ZBTB20: variants seen among roughly 807,000 people sequenced by gnomAD.
The protein encoded by ZBTB20 is zinc finger and BTB domain containing 20.
Under a neutral mutation model 56.9 loss-of-function variants are expected in ZBTB20, and 9 were observed. That is an observed-to-expected ratio of 0.16 (90% CI 0.10 to 0.28). The LOEUF is 0.28. Ranked by LOEUF, ZBTB20 falls within the 10% of genes least tolerant of loss-of-function variation. The pLI is 1.00. For missense variants in ZBTB20, 655 were observed against 1,003.0 expected (o/e 0.65, Z 4.69); for synonymous variants, 417 against 420.7 (o/e 0.99, Z 0.11).
chr3:114,714,365 A>G (rs1322126892), intron 5 of ZBTB20, among the ~76,000 whole-genome samples: 2 of 152,202 alleles, frequency 1.3e-5, no homozygotes, highest in Non-Finnish European at 2.9e-5. Context: ...TTGGTTACGT[A>G]GGTAAGCCAA....
At chr3:114,463,245 T>C (rs1202686004) in intron 7 of ZBTB20, among the ~76,000 whole-genome samples, 4 of 152,248 alleles carry the variant, frequency 2.6e-5, no homozygotes, top group Admixed American at 6.5e-5. Flanking sequence ...GTGTTACTGA[T>C]GTTGTTATTA....
intron 4 of ZBTB20, among the ~76,000 whole-genome samples, chr3:114,828,686 A>G (rs1386139840): frequency 6.6e-6 from 1 of 151,868 alleles, no homozygotes; most frequent in African/African-American, 2.4e-5. Flanking sequence ...GCCATTATGC[A>G]GGGTGATGTT....
chr3:115,006,712 T>A (rs1488728990), intron 2 of ZBTB20, among the ~76,000 whole-genome samples: 3 of 151,784 alleles, frequency 2.0e-5, no homozygotes, highest in Admixed American at 1.3e-4. Flanking sequence ...GAGCCTCTTC[T>A]ACAGCATCAA....
chr3:114,917,281 C>T (rs940392279), intron 3 of ZBTB20, among the ~76,000 whole-genome samples: 19 of 152,162 alleles, frequency 1.2e-4, no homozygotes, highest in African/African-American at 4.1e-4. Flanking sequence ...CTTCTCTATG[C>T]TATCTTGAAT....
chr3:115,119,496 A>G (rs1315208315), intron 1 of ZBTB20, among the ~76,000 whole-genome samples: 1 of 152,054 alleles, frequency 6.6e-6, no homozygotes, highest in African/African-American at 2.4e-5. Context: ...TAATATTCAC[A>G]AAACCCTGTA....
At chr3:115,054,525 T>C (rs935079053) in intron 2 of ZBTB20, among the ~76,000 whole-genome samples, 1 of 152,110 alleles carries the variant, frequency 6.6e-6, no homozygotes, top group Admixed American at 6.6e-5. Flanking sequence ...CGTCAAGTAT[T>C]CCATTAGAAC....
intron 3 of ZBTB20, among the ~76,000 whole-genome samples, chr3:114,955,384 T>C (rs2077212106): frequency 6.6e-6 from 1 of 152,204 alleles, no homozygotes; most frequent in Non-Finnish European, 1.5e-5. Context: ...CGAAATTGTC[T>C]TTTTCTCTCC....
chr3:114,780,776 A>G (rs1157189364), intron 5 of ZBTB20, among the ~76,000 whole-genome samples: 2 of 152,258 alleles, frequency 1.3e-5, no homozygotes, highest in East Asian at 1.9e-4. Context: ...GTGAGCCACC[A>G]CGCCTGGCCC....
At chr3:114,477,940 T>C (rs9799147) in intron 7 of ZBTB20, among the ~76,000 whole-genome samples, 26 of 29,656 alleles carry the variant, frequency 8.8e-4, no homozygotes, top group Middle Eastern at 0.026. Flanking sequence ...TCTCTCTCTC[T>C]CTCTCTCTCC....
chr3:114,615,985 C>T (rs2057912160), intron 6 of ZBTB20, among the ~76,000 whole-genome samples: 1 of 152,174 alleles, frequency 6.6e-6, no homozygotes. Context: ...AGAAATTGCT[C>T]TGTATATGGA....
Position 114,952,765 on chromosome 3 carries a change from C to T in ZBTB20, c.-456+21601G>A, listed in dbSNP as rs867820935. Among the ~76,000 whole-genome samples the T allele has an allele frequency of 1.2e-4, 18 of 152,094 alleles. 1 individual carries two copies. The highest frequency in any genetic ancestry group is 3.4e-3 in the Middle Eastern group (1 of 294). On this transcript the variant is annotated intron_variant, in intron 3 of 11. Transcript: ENST00000675478. ...AACCATGAAAACCTGAAGGAAATGG[C>T]ACCCCTTTTTTAAAGGTCTGAGAGA...
At chr3:114,630,942 A>G (rs1343797314) in intron 6 of ZBTB20, among the ~76,000 whole-genome samples, 1 of 152,218 alleles carries the variant, frequency 6.6e-6, no homozygotes, top group Non-Finnish European at 1.5e-5. Flanking sequence ...ACTACTGTTC[A>G]CATTTACTAA....
chr3:114,466,521 T>C (rs2092561041), intron 7 of ZBTB20, among the ~76,000 whole-genome samples: 1 of 152,214 alleles, frequency 6.6e-6, no homozygotes, highest in African/African-American at 2.4e-5. Context: ...AACTCACATG[T>C]TACCCAGCCA....
intron 7 of ZBTB20, among the ~76,000 whole-genome samples, chr3:114,460,252 A>G (rs1392525710): frequency 6.6e-6 from 1 of 152,170 alleles, no homozygotes; most frequent in Admixed American, 6.6e-5. Flanking sequence ...ATGTAGTCTG[A>G]TAAACACACT....
intron 6 of ZBTB20, among the ~76,000 whole-genome samples, chr3:114,676,111 G>A (rs1035807577): frequency 5.9e-5 from 9 of 152,134 alleles, no homozygotes; most frequent in African/African-American, 2.2e-4. Context: ...GTTACAGGAT[G>A]AATATTTTGG....
chr3:114,586,865 T>C (rs2055220968), intron 6 of ZBTB20, among the ~76,000 whole-genome samples: 1 of 150,732 alleles, frequency 6.6e-6, no homozygotes, highest in Non-Finnish European at 1.5e-5. Context: ...TTACAAAAGA[T>C]GAAGAGTGCC....
chr3:114,725,749 G>A (rs2065229751), intron 5 of ZBTB20, among the ~76,000 whole-genome samples: 1 of 152,222 alleles, frequency 6.6e-6, no homozygotes, highest in Non-Finnish European at 1.5e-5. Context: ...ACAAATAACA[G>A]GAGAATTATG....
Position 115,002,541 on chromosome 3 carries a change from AAC to A in ZBTB20, c.-506-28127_-506-28126del, listed in dbSNP as rs565826944. On this transcript the variant is annotated intron_variant, in intron 2 of 11. Transcript: ENST00000675478. ...GATTAAAATGTGAGCAAAAGATCTG[AAC>A]AGACATCTCACCAAAGAAATGCAGA... Among the ~76,000 whole-genome samples, 105 of 151,794 alleles carry A rather than the reference AAC, an allele frequency of 6.9e-4. 1 individual carries two copies. Among genetic ancestry groups the A allele is most frequent in the Admixed American group, 7.2e-4 (11 of 15,194 alleles).
chr3:114,339,392 G>C lies in ZBTB20; in HGVS notation c.1839C>G (p.Arg613=). 6.2e-7 allele frequency: 1 copy of C among 1,613,840 alleles called. No homozygotes were observed. Among genetic ancestry groups the C allele is most frequent in the Non-Finnish European group, 8.5e-7 (1 of 1,179,932 alleles). ...TAAGGTAATCCTTTAAGGAGAAGGA[G>C]CGCCAACAGATGCTGCATTGGTGGG... ...EKPHQCSICW[R]SFSLKDYLIK... is the part of the protein sequence containing the mutation. Residue 613 remains arginine (R), a synonymous_variant, in exon 12 of 12, where the codon CGC becomes CGG. Transcript: ENST00000675478. This position sits in a 1 kb window ranked among gnomAD's most constrained non-coding sequence, Gnocchi z 4.2.
Sources: gnomAD v4.1 joint callset for allele counts (sites outside exome capture counted in the v4.1 genomes callset) on GRCh38, gnomAD v4.1.1 for gene constraint, Gnocchi (gnomAD v3.1) non-coding constraint, MANE v1.5 for transcripts, NCBI Gene and HGNC (gene_info 2026-07-23, HGNC 2026-07-21) for gene names.